The following GIMAP8 variants were observed in gnomAD, a reference collection of about 807,000 sequenced individuals.
The protein encoded by GIMAP8 is GTPase, IMAP family member 8.
A neutral mutation model predicts 35.6 loss-of-function variants in GIMAP8; 29 were observed. The observed-to-expected ratio is 0.81, with a 90% CI of 0.61 to 1.11. The LOEUF is 1.11. GIMAP8 is among the 50% of genes most tolerant of loss of function. The pLI is 0.00. For synonymous variants in GIMAP8, 335 were observed against 308.7 expected (o/e 1.09, Z -0.89); for missense variants, 811 against 805.0 (o/e 1.01, Z -0.09).
chr7:150,470,708 T>C (rs1802067560), intron 2 of GIMAP8, 121 bp from the exon 3 acceptor site: 1 of 706,656 alleles, frequency 1.4e-6, no homozygotes, highest in Admixed American at 2.6e-5. Flanking sequence ...TGACCACATC[T>C]GACTCAGCAG....
chr7:150,468,412 G>C (rs779275186), intron 2 of GIMAP8, among the ~76,000 whole-genome samples: 1 of 152,206 alleles, frequency 6.6e-6, no homozygotes, highest in African/African-American at 2.4e-5. Flanking sequence ...ACTCCTGGCT[G>C]AGTGTGAGGG....
In GIMAP8 at chr7:150,450,814, C is replaced by G. The variant is rs931876155; in HGVS notation, c.-390C>G. 6.5e-6 allele frequency: 1 copy of G among 153,002 alleles called. No individual in the cohort carries two copies. The highest frequency in any genetic ancestry group is 2.4e-5 in the African/African-American group (1 of 41,482). The allele number at this position is 153,002 out of a possible 1,614,324, so 9.5% of individuals were successfully genotyped here. ...TCTGCTGTCATTTCTCCTCCCTCCTCTCAGTCTGCAGCTGCGGGACGGGCC... is the reference window on the plus strand; with the variant it reads ...TCTGCTGTCATTTCTCCTCCCTCCTGTCAGTCTGCAGCTGCGGGACGGGCC... On this transcript the variant is annotated 5_prime_UTR_variant, in exon 1 of 5. Coordinates refer to ENST00000307271, the MANE Select transcript of GIMAP8 (RefSeq NM_175571.4). This position sits in a 1 kb window ranked among gnomAD's most constrained non-coding sequence, Gnocchi z 4.4.
intron 1 of GIMAP8, among the ~76,000 whole-genome samples, chr7:150,459,057 G>A (rs1233988344): frequency 6.6e-6 from 1 of 152,188 alleles, no homozygotes; most frequent in African/African-American, 2.4e-5. Flanking sequence ...ATCTGGGGAG[G>A]TGGAGGGTGA....
intron 1 of GIMAP8, among the ~76,000 whole-genome samples, chr7:150,461,492 T>G (rs542894754): frequency 1.3e-5 from 2 of 152,366 alleles, no homozygotes; most frequent in Admixed American, 1.3e-4. Context: ...CTTTATGTTT[T>G]TTATTTAAAG....
Position 150,477,207 on chromosome 7 carries a change from G to A in GIMAP8, c.1425G>A (p.Lys475=). 2 of 1,614,144 alleles carry A rather than the reference G, an allele frequency of 1.2e-6. No homozygotes were observed. Among genetic ancestry groups the A allele is most frequent in the Non-Finnish European group, 1.7e-6 (2 of 1,180,016 alleles). Residue 475 remains lysine (K), a synonymous_variant, in exon 5 of 5, where the codon AAG becomes AAA. Coordinates refer to ENST00000307271, the MANE Select transcript of GIMAP8 (RefSeq NM_175571.4). ...TSRLRAQPVT[K]TSQSGRRTWD... is the part of the protein sequence containing the mutation. ...GGCTCCGGGCCCAGCCAGTCACCAA[G>A]ACCAGCCAGAGTGGCAGGAGGACAT...
At chr7:150,464,865 G>A (rs1239476621) in intron 1 of GIMAP8, among the ~76,000 whole-genome samples, 2 of 152,186 alleles carry the variant, frequency 1.3e-5, no homozygotes, top group African/African-American at 4.8e-5. Flanking sequence ...AGAATGAAGA[G>A]GTTATGGCAC....
chr7:150,452,685 T>TAC (rs1801641720), intron 1 of GIMAP8, among the ~76,000 whole-genome samples: 2 of 99,450 alleles, frequency 2.0e-5, no homozygotes, highest in Non-Finnish European at 4.1e-5. Context: ...GATATATATA[T>TAC]ATATATATAT....
In GIMAP8 at chr7:150,477,618, C is replaced by G. The variant is rs763583512; in HGVS notation, c.1836C>G (p.Thr612=). The G allele has an allele frequency of 3.0e-5, 49 of 1,613,996 alleles. No homozygotes were observed. In the Admixed American group the frequency reaches 8.2e-4, roughly 27 times the overall value. ...AAGAAACAGGCCAGGCCCAGGAAAC[C>G]CAGGTGAAAGCTCTTTTAACAAAGG... ...NNKETGQAQE[T]QVKALLTKVN... The change falls in exon 5 of 5, where the codon ACC becomes ACG. Residue 612 remains threonine (T), a synonymous_variant. Coordinates refer to ENST00000307271, the MANE Select transcript of GIMAP8 (RefSeq NM_175571.4).
At chr7:150,473,566 C>T (rs773650135) in intron 3 of GIMAP8, among the ~76,000 whole-genome samples, 27 of 150,082 alleles carry the variant, frequency 1.8e-4, no homozygotes, top group Admixed American at 1.3e-4. Context: ...TCCATCTATA[C>T]TGCATATCGC....
At chr7:150,454,877 C>A (rs190950713) in intron 1 of GIMAP8, among the ~76,000 whole-genome samples, 1 of 147,290 alleles carries the variant, frequency 6.8e-6, no homozygotes. Context: ...CAGTGGTTCA[C>A]GCCTGTAATC....
rs780220439 is a variant in GIMAP8, at chr7:150,470,983, TG to T, written c.682+113del. The stretch of plus-strand genomic sequence containing the variant: ...TCCATATAAACCAGAAAATTCACCC[TG>T]GGGACCTAGCTGAGGTTGGTTCCCA... On this transcript the variant is annotated intron_variant, in intron 3 of 4. Coordinates refer to ENST00000307271, the MANE Select transcript of GIMAP8 (RefSeq NM_175571.4). The T allele has an allele frequency of 7.6e-5, 63 of 829,626 alleles. 1 individual carries two copies. Among genetic ancestry groups the T allele is most frequent in the Non-Finnish European group, 1.1e-4 (56 of 498,652 alleles). 51.4% of individuals were successfully genotyped at this position (829,626 alleles called of 1,614,324 possible). A position where few individuals can be genotyped will look rare whatever the true frequency, so the allele number is the denominator to read the frequency against.
chr7:150,456,485 T>C (rs2116587604), intron 1 of GIMAP8, among the ~76,000 whole-genome samples: 1 of 152,290 alleles, frequency 6.6e-6, no homozygotes, highest in Non-Finnish European at 1.5e-5. Context: ...TCCTCCTGTC[T>C]CCTTCTCACT....
rs1048352706 is a variant in GIMAP8, at chr7:150,459,571, C to T, written c.-28-7100C>T. On this transcript the variant is annotated intron_variant, in intron 1 of 4. Transcript: ENST00000307271. The stretch of plus-strand genomic sequence containing the variant: ...CAGCATCATATATTGGATGCTGATC[C>T]GGAGCATATAGAGCCTCCTAGAGAA... Among the ~76,000 whole-genome samples the T allele has an allele frequency of 5.9e-5, 9 of 152,202 alleles. No individual in the cohort carries two copies. In the Middle Eastern group the frequency reaches 0.01, roughly 173 times the overall value.
chr7:150,465,949 C>T (rs2116602211), intron 1 of GIMAP8, among the ~76,000 whole-genome samples: 1 of 152,316 alleles, frequency 6.6e-6, no homozygotes, highest in Non-Finnish European at 1.5e-5. Context: ...CACTGAGACT[C>T]AGAATGGTTA....
chr7:150,470,938 A>G, intron 3 of GIMAP8, 64 bp downstream of exon 3: 1 of 1,194,008 alleles, frequency 8.4e-7, no homozygotes, highest in Non-Finnish European at 1.2e-6. Context: ...TTCTGCAGCC[A>G]AAGTGAAGCG....
chr7:150,467,999 G>C (rs954930943), intron 2 of GIMAP8, among the ~76,000 whole-genome samples: 2 of 152,044 alleles, frequency 1.3e-5, no homozygotes, highest in Non-Finnish European at 2.9e-5. Flanking sequence ...TCTCCTTCAT[G>C]CTTCAGAAAA....
chr7:150,462,751 C>T (rs1424446726), intron 1 of GIMAP8, among the ~76,000 whole-genome samples: 1 of 152,066 alleles, frequency 6.6e-6, no homozygotes, highest in African/African-American at 2.4e-5. Flanking sequence ...AGACTTTTAT[C>T]TTGCTGTTTT....
intron 2 of GIMAP8, among the ~76,000 whole-genome samples, chr7:150,468,158 C>T (rs990784625): frequency 6.6e-6 from 1 of 152,192 alleles, no homozygotes; most frequent in Non-Finnish European, 1.5e-5. Context: ...CCCACTCCCA[C>T]CACCTGGTCC....
At chr7:150,459,035 T>G (rs1359235936) in intron 1 of GIMAP8, among the ~76,000 whole-genome samples, 2 of 152,204 alleles carry the variant, frequency 1.3e-5, no homozygotes, top group East Asian at 3.8e-4. Flanking sequence ...GCTCAGCTGG[T>G]TGTGGTTCTT....
Sources: allele counts gnomAD v4.1 joint callset (sites outside exome capture counted in the v4.1 genomes callset), GRCh38; gene constraint gnomAD v4.1.1; non-coding constraint Gnocchi (gnomAD v3.1); transcripts MANE v1.5; gene names NCBI Gene and HGNC (gene_info 2026-07-23, HGNC 2026-07-21).